The following SOX6 variants were observed in gnomAD, a reference collection of about 807,000 sequenced individuals.
The protein encoded by SOX6 is transcription factor SOX-6.
A neutral mutation model predicts 97.8 loss-of-function variants in SOX6; 11 were observed. The ratio of observed to expected loss-of-function variants is 0.11; its 90% confidence interval spans 0.07 to 0.19. The LOEUF (loss-of-function observed/expected upper bound fraction) is 0.19. Ranked by LOEUF, SOX6 falls within the 10% of genes least tolerant of loss-of-function variation. The pLI is 1.00. For missense variants in SOX6, 810 were observed against 1,039.5 expected, an observed-to-expected ratio of 0.78 and a Z score of 3.04; for synonymous variants, 360 against 371.4, an observed-to-expected ratio of 0.97 and a Z score of 0.35.
chr11:16,289,566 A>G lies in SOX6; in HGVS notation c.445+28880T>C, dbSNP rs532737102. ...ATGAACACGTCAGATTAGATAAACCAGACAGCTGCTAACAAAAAACCTAGG... is the reference window on the plus strand; with the variant it reads ...ATGAACACGTCAGATTAGATAAACCGGACAGCTGCTAACAAAAAACCTAGG... On this transcript the variant is annotated intron_variant, in intron 3 of 15. Transcript: ENST00000683767. 4.6e-5 allele frequency among the ~76,000 whole-genome samples: 7 copies of G among 152,172 alleles called. No individual in the cohort carries two copies. The South Asian group carries it at 1.4e-3, about 32-fold the overall frequency.
At chr11:16,533,924 A>T (rs1413022447) in intron 4 of SOX6, among the ~76,000 whole-genome samples, 3 of 152,144 alleles carry the variant, frequency 2.0e-5, no homozygotes, top group Non-Finnish European at 4.4e-5. Context: ...ATAACACTAC[A>T]TCTGTTGAGC....
intron 6 of SOX6, among the ~76,000 whole-genome samples, chr11:16,159,294 C>A (rs995969016): frequency 6.6e-6 from 1 of 152,042 alleles, no homozygotes; most frequent in Non-Finnish European, 1.5e-5. Flanking sequence ...CGCTAAAGAT[C>A]AGTTCATTTG....
At chr11:16,616,163 A>G (rs1403706027) in intron 3 of SOX6, among the ~76,000 whole-genome samples, 1 of 152,134 alleles carries the variant, frequency 6.6e-6, no homozygotes, top group Non-Finnish European at 1.5e-5. Flanking sequence ...GATGATTACC[A>G]TATCATTCAT....
intron 10 of SOX6, among the ~76,000 whole-genome samples, chr11:16,050,833 ATATT>A (rs1247290027): frequency 2.0e-5 from 3 of 152,272 alleles, no homozygotes; most frequent in African/African-American, 7.2e-5. Flanking sequence ...TAATATGACC[ATATT>A]TATTTAAATG....
At chr11:16,473,254 G>A (rs1860174049) in intron 1 of SOX6, among the ~76,000 whole-genome samples, 1 of 152,152 alleles carries the variant, frequency 6.6e-6, no homozygotes, top group African/African-American at 2.4e-5. Context: ...CCAGACCACT[G>A]CAATAAAGCA....
chr11:16,116,900 AATGCTTGATG>A (rs1369103388), intron 6 of SOX6, among the ~76,000 whole-genome samples: 1 of 152,194 alleles, frequency 6.6e-6, no homozygotes, highest in Non-Finnish European at 1.5e-5. Flanking sequence ...ATGAGAATCT[AATGCTTGATG>A]ATCTGTGGTG....
intron 6 of SOX6, among the ~76,000 whole-genome samples, chr11:16,145,588 A>G (rs1850270846): frequency 6.6e-6 from 1 of 152,212 alleles, no homozygotes. Context: ...ACCTGATTGT[A>G]TATTTAGAAA....
intron 4 of SOX6, among the ~76,000 whole-genome samples, chr11:16,506,344 G>A (rs1234053529): frequency 1.3e-5 from 2 of 152,110 alleles, no homozygotes; most frequent in African/African-American, 2.4e-5. Flanking sequence ...GACTTGCATG[G>A]GGCCCTTTGT....
intron 4 of SOX6, among the ~76,000 whole-genome samples, chr11:16,499,427 A>G (rs1029505062): frequency 2.6e-5 from 4 of 152,196 alleles, no homozygotes; most frequent in Non-Finnish European, 5.9e-5. Context: ...ACACATTCAA[A>G]AGCTAGCAGA....
chr11:16,083,844 T>C (rs10766295), intron 9 of SOX6, among the ~76,000 whole-genome samples: 47,069 of 152,052 alleles, frequency 0.31, 8,775 homozygotes, highest in Non-Finnish European at 0.41. Context: ...TCCCATTTGA[T>C]AAAAGCTAGG....
chr11:16,117,450 T>C (rs888446321), intron 6 of SOX6, among the ~76,000 whole-genome samples: 5 of 152,208 alleles, frequency 3.3e-5, no homozygotes, highest in African/African-American at 1.2e-4. Flanking sequence ...TACAGAATGC[T>C]CATCAGTATG....
In SOX6 at chr11:16,088,186, G is replaced by A. The variant is rs147299072; in HGVS notation, c.1101+7810C>T. 5.9e-5 allele frequency among the ~76,000 whole-genome samples: 9 copies of A among 152,144 alleles called. No individual in the cohort carries two copies. In the East Asian group the frequency reaches 1.2e-3, roughly 20 times the overall value. On this transcript the variant is annotated intron_variant, in intron 9 of 15. Transcript: ENST00000683767. ...AGCAAAATTAAGAGGAAAGTAAAGC[G>A]ATTTCCCATATACTCCCTGTTCCCA...
intron 1 of SOX6, among the ~76,000 whole-genome samples, chr11:16,418,825 A>T (rs1239343904): frequency 6.6e-6 from 1 of 152,180 alleles, no homozygotes; most frequent in Non-Finnish European, 1.5e-5. Flanking sequence ...TCACATAATG[A>T]GATGCATTGT....
intron 4 of SOX6, among the ~76,000 whole-genome samples, chr11:16,554,102 T>C (rs1847721798): frequency 6.6e-6 from 1 of 152,142 alleles, no homozygotes. Flanking sequence ...ATAGTCATCA[T>C]GAAAGCTTTC....
At chr11:16,656,692 T>C (rs948953873) in intron 3 of SOX6, among the ~76,000 whole-genome samples, 2 of 152,236 alleles carry the variant, frequency 1.3e-5, no homozygotes, top group Admixed American at 1.3e-4. Context: ...TTTGTTAGTA[T>C]ATATTTTGTA....
At chr11:16,451,205 C>T (rs1452648434) in intron 1 of SOX6, among the ~76,000 whole-genome samples, 2 of 152,118 alleles carry the variant, frequency 1.3e-5, no homozygotes, top group Non-Finnish European at 2.9e-5. Flanking sequence ...GCACTCCAGC[C>T]TGGACAACAG....
At chr11:16,009,104 CT>C (rs1453216547) in intron 13 of SOX6, among the ~76,000 whole-genome samples, 1 of 151,934 alleles carries the variant, frequency 6.6e-6, no homozygotes, top group Non-Finnish European at 1.5e-5. Flanking sequence ...TGAGTCTTAT[CT>C]TTTTACGTGT....
intron 2 of SOX6, among the ~76,000 whole-genome samples, chr11:16,716,899 G>T (rs1848223409): frequency 1.3e-5 from 2 of 152,056 alleles, no homozygotes; most frequent in South Asian, 4.1e-4. Flanking sequence ...CTTTGAGGGG[G>T]TCATAGTAAT....
At chr11:16,576,500 A>G (rs1267192855) in intron 4 of SOX6, among the ~76,000 whole-genome samples, 1 of 152,226 alleles carries the variant, frequency 6.6e-6, no homozygotes, top group Admixed American at 6.5e-5. Flanking sequence ...ATATCATAAA[A>G]TAATGTTGTC....
Sources: allele counts gnomAD v4.1 joint callset (sites outside exome capture counted in the v4.1 genomes callset), GRCh38; gene constraint gnomAD v4.1.1; transcripts MANE v1.5; gene names NCBI Gene and HGNC (gene_info 2026-07-23, HGNC 2026-07-21).